The following ZNF521 variants were observed in gnomAD, a reference collection of about 807,000 sequenced individuals.
The protein encoded by ZNF521 is zinc finger protein 521.
Under a neutral mutation model 105.5 loss-of-function variants are expected in ZNF521, and 14 were observed. The observed-to-expected ratio is 0.13, with a 90% CI of 0.09 to 0.21. ZNF521 has a LOEUF of 0.21. ZNF521 is among the 10% of genes least tolerant of loss of function. The pLI, the probability that ZNF521 is intolerant of heterozygous loss-of-function variation, is 1.00. For missense variants in ZNF521, 1,233 were observed against 1,629.7 expected (o/e 0.76, Z 4.19); for synonymous variants, 635 against 606.0 (o/e 1.05, Z -0.70).
chr18:25,282,856 C>A (rs1910463527), intron 3 of ZNF521, among the ~76,000 whole-genome samples: 1 of 152,134 alleles, frequency 6.6e-6, no homozygotes. Flanking sequence ...CTGACAAGGA[C>A]AGCAAAGAAC....
intron 5 of ZNF521, among the ~76,000 whole-genome samples, chr18:25,125,296 T>C (rs2034518113): frequency 6.6e-6 from 1 of 152,152 alleles, no homozygotes; most frequent in Admixed American, 6.6e-5. Flanking sequence ...TTGAATGAAA[T>C]GAGGTCTTTG....
chr18:25,329,704 G>T (rs1913443271), intron 2 of ZNF521, among the ~76,000 whole-genome samples: 1 of 152,214 alleles, frequency 6.6e-6, no homozygotes, highest in African/African-American at 2.4e-5. Flanking sequence ...GTAATGTCCA[G>T]ATGTTAACCT....
chr18:25,336,727 A>T (rs1439686899), intron 2 of ZNF521, among the ~76,000 whole-genome samples: 1 of 152,236 alleles, frequency 6.6e-6, no homozygotes, highest in Non-Finnish European at 1.5e-5. Context: ...AACAGGCTTC[A>T]GAAAGGGCTA....
chr18:25,183,410 T>C (rs1012685567), intron 5 of ZNF521, among the ~76,000 whole-genome samples: 1 of 152,176 alleles, frequency 6.6e-6, no homozygotes, highest in Non-Finnish European at 1.5e-5. Flanking sequence ...AGTGACAAAA[T>C]GAAAGCCAGT....
At chr18:25,103,550 G>C (rs1466580482) in intron 5 of ZNF521, among the ~76,000 whole-genome samples, 5 of 151,998 alleles carry the variant, frequency 3.3e-5, no homozygotes, top group African/African-American at 4.8e-5. Flanking sequence ...ATGGAAAATA[G>C]GTCAGCTCAA....
chr18:25,350,976 A>G (rs1393792493), intron 1 of ZNF521, 29 bp from the exon 2 acceptor site: 2 of 1,538,528 alleles, frequency 1.3e-6, no homozygotes, highest in Non-Finnish European at 1.8e-6. Flanking sequence ...AGTTGTTTCA[A>G]TTCAGCCCTG....
chr18:25,083,715 G>A (rs1394058198), intron 7 of ZNF521, among the ~76,000 whole-genome samples: 1 of 151,872 alleles, frequency 6.6e-6, no homozygotes, highest in African/African-American at 2.4e-5. Context: ...GCATCATGGT[G>A]AATTTAAAAA....
intron 7 of ZNF521, among the ~76,000 whole-genome samples, chr18:25,067,719 G>A (rs2033106041): frequency 6.6e-6 from 1 of 152,172 alleles, no homozygotes; most frequent in Admixed American, 6.5e-5. Flanking sequence ...AGGAAAGCCA[G>A]GGGGAACCTA....
At chr18:25,258,725 A>G (rs1250280023) in intron 3 of ZNF521, among the ~76,000 whole-genome samples, 2 of 152,184 alleles carry the variant, frequency 1.3e-5, no homozygotes, top group South Asian at 4.2e-4. Context: ...ATAAGAGATT[A>G]AAGACTGAGA....
At chr18:25,125,919 C>T (rs979815149) in intron 5 of ZNF521, among the ~76,000 whole-genome samples, 10 of 151,962 alleles carry the variant, frequency 6.6e-5, no homozygotes, top group African/African-American at 2.2e-4. Context: ...TTTTATCTGA[C>T]ATTCTATTTC....
chr18:25,081,521 T>C (rs540658753), intron 7 of ZNF521, among the ~76,000 whole-genome samples: 6 of 152,308 alleles, frequency 3.9e-5, no homozygotes, highest in East Asian at 1.9e-4. Context: ...TCTTGAAAAT[T>C]TGACTACCAG....
At chr18:25,204,484 T>C (rs533902265) in intron 4 of ZNF521, among the ~76,000 whole-genome samples, 2 of 152,276 alleles carry the variant, frequency 1.3e-5, no homozygotes, top group East Asian at 1.9e-4. Flanking sequence ...CCATGGATCA[T>C]ACCAAACATG....
intron 4 of ZNF521, chr18:25,201,523 C>T (rs2035992352): frequency 6.6e-6 from 1 of 152,182 alleles, no homozygotes; most frequent in Non-Finnish European, 1.5e-5. Flanking sequence ...TTGGACTTGA[C>T]TAAGTCCATT....
chr18:25,155,088 G>A (rs561947222), intron 5 of ZNF521, among the ~76,000 whole-genome samples: 2 of 152,196 alleles, frequency 1.3e-5, no homozygotes, highest in South Asian at 4.2e-4. Context: ...ATCCTACCAG[G>A]TGTGAGGTGA....
At chr18:25,113,520 T>C (rs1600047674) in intron 5 of ZNF521, among the ~76,000 whole-genome samples, 1 of 152,168 alleles carries the variant, frequency 6.6e-6, no homozygotes, top group Non-Finnish European at 1.5e-5. Flanking sequence ...TGTATCAGAA[T>C]GCTTTAGTGC....
chr18:25,132,597 A>C (rs558667440), intron 5 of ZNF521, among the ~76,000 whole-genome samples: 1 of 152,254 alleles, frequency 6.6e-6, no homozygotes, highest in East Asian at 1.9e-4. Flanking sequence ...CCCAGTAGTG[A>C]TTCCTCTTTT....
intron 4 of ZNF521, among the ~76,000 whole-genome samples, chr18:25,205,081 C>T (rs560224329): frequency 5.8e-5 from 8 of 136,876 alleles, no homozygotes; most frequent in African/African-American, 2.3e-4. Context: ...TTACACAGCA[C>T]CAGAAATCAG....
intron 3 of ZNF521, among the ~76,000 whole-genome samples, chr18:25,251,327 C>G (rs992177750): frequency 2.0e-5 from 3 of 152,182 alleles, no homozygotes; most frequent in African/African-American, 7.2e-5. Flanking sequence ...GATTCTAATA[C>G]ATTCCAGATG....
intron 2 of ZNF521, among the ~76,000 whole-genome samples, chr18:25,342,823 G>C (rs1914283710): frequency 6.6e-6 from 1 of 152,026 alleles, no homozygotes; most frequent in Non-Finnish European, 1.5e-5. Flanking sequence ...ACACAACTAA[G>C]ACAACCTAAA....
Sources: allele counts gnomAD v4.1 joint callset (sites outside exome capture counted in the v4.1 genomes callset), GRCh38; gene constraint gnomAD v4.1.1; transcripts MANE v1.5; gene names NCBI Gene and HGNC (gene_info 2026-07-23, HGNC 2026-07-21).